IQCE: variants seen among roughly 807,000 people sequenced by gnomAD.
The protein encoded by IQCE is IQ motif containing E.
Under a neutral mutation model 96.0 loss-of-function variants are expected in IQCE, and 115 were observed. The ratio of observed to expected loss-of-function variants is 1.20; its 90% CI spans 1.03 to 1.40. The LOEUF (loss-of-function observed/expected upper bound fraction) is 1.40. Among genes scored for constraint, IQCE ranks in the 40% most tolerant of loss-of-function variants. The pLI is 0.00. For missense variants in IQCE, 1,041 were observed against 909.1 expected, an observed-to-expected ratio of 1.15 and a Z score of -1.87; for synonymous variants, 412 against 371.2, an observed-to-expected ratio of 1.11 and a Z score of -1.26.
Position 2,571,638 on chromosome 7 carries a change from G to A in IQCE, c.243G>A (p.Leu81=). 3.1e-6 allele frequency: 5 copies of A among 1,599,936 alleles called. No homozygotes were observed. Among genetic ancestry groups the A allele is most frequent in the Non-Finnish European group, 4.2e-6 (5 of 1,179,862 alleles). Residue 81 remains leucine, a synonymous_variant, in exon 4 of 22, where the codon CTG becomes CTA. Coordinates refer to ENST00000402050, the MANE Select transcript of IQCE (RefSeq NM_152558.5). ...RASLTPQKLW[L]GTAKPGSLTQ... is the part of the protein sequence containing the mutation. Reference sequence around the variant, plus strand: ...CCCTGACCCCGCAGAAGCTGTGGCTGGGAACCGCAAAGCCAGGTATGTGGT... The same window carrying A: ...CCCTGACCCCGCAGAAGCTGTGGCTAGGAACCGCAAAGCCAGGTATGTGGT...
intron 8 of IQCE, among the ~76,000 whole-genome samples, chr7:2,579,700 GGTGTGTGT>G (rs68086038): frequency 0.027 from 3,600 of 133,070 alleles, 76 homozygotes; most frequent in Middle Eastern, 0.06. Context: ...TTGTTCTGGT[GGTGTGTGT>G]GTGTGTGTGT....
At chr7:2,594,602 T>C (rs939896259) in intron 15 of IQCE, among the ~76,000 whole-genome samples, 1 of 152,258 alleles carries the variant, frequency 6.6e-6, no homozygotes, top group Non-Finnish European at 1.5e-5. Flanking sequence ...AGTTCTTAGT[T>C]GTTTCAGGAG....
intron 1 of IQCE, among the ~76,000 whole-genome samples, chr7:2,564,564 C>T (rs999463898): frequency 2.6e-5 from 4 of 151,894 alleles, no homozygotes; most frequent in African/African-American, 9.7e-5. Flanking sequence ...TGTCACTGCA[C>T]TCCAGCCTGG....
At chr7:2,595,035 G>T in intron 16 of IQCE, 59 bp downstream of exon 16, 1 of 1,188,928 alleles carries the variant, frequency 8.4e-7, no homozygotes, top group Non-Finnish European at 1.3e-6. Flanking sequence ...GGTCGTGACG[G>T]TTCTGACCGT....
rs764251869 is a variant in IQCE, at chr7:2,610,109, T to C, written c.2035T>C (p.Ser679Pro). ...TGGGGATGACGTCAACTCCGATGAT[T>C]CCGACGATATTGTCATTGCACCGTC... Reference protein sequence around the residue: ...LPGDDVNSDDSDDIVIAPSLP... With the variant: ...LPGDDVNSDDPDDIVIAPSLP... The change falls in exon 22 of 22, where the codon TCC becomes CCC. Residue 679 changes from serine to proline, a missense_variant. Coordinates refer to ENST00000402050, the MANE Select transcript of IQCE (RefSeq NM_152558.5). 1 of 1,613,498 alleles carries C rather than the reference T, an allele frequency of 6.2e-7. No individual in the cohort carries two copies. The highest frequency in any genetic ancestry group is 1.7e-5 in the Admixed American group (1 of 60,020).
chr7:2,590,567 C>G (rs942514258), intron 14 of IQCE, among the ~76,000 whole-genome samples: 2 of 151,956 alleles, frequency 1.3e-5, no homozygotes, highest in Non-Finnish European at 2.9e-5. Context: ...GAGTTTCAGA[C>G]CAGCCTGGGC....
rs950387211 is a variant in IQCE at position 2,601,211 on chromosome 7, A to C, written c.1609-230A>C. Among the ~76,000 whole-genome samples, 20 of 152,262 alleles carry C rather than the reference A, an allele frequency of 1.3e-4. 1 individual carries two copies. The highest frequency in any genetic ancestry group is 1.3e-4 in the Admixed American group (2 of 15,298). On this transcript the variant is annotated intron_variant, in intron 17 of 21. Transcript: ENST00000402050. ...CGTCCCTTCATCTGCAGCTTGGGCCACCTCATGTGACTCCTGGAGAATTCC... is the reference window on the plus strand; with the variant it reads ...CGTCCCTTCATCTGCAGCTTGGGCCCCCTCATGTGACTCCTGGAGAATTCC...
At chr7:2,592,910 A>G in intron 14 of IQCE, 112 bp from the exon 15 acceptor site, 1 of 1,164,888 alleles carries the variant, frequency 8.6e-7, no homozygotes, top group Non-Finnish European at 1.2e-6. Flanking sequence ...CTGCCCCACC[A>G]TCCACTGTCC....
chr7:2,575,141 C>T (rs185242762), intron 6 of IQCE, among the ~76,000 whole-genome samples: 12 of 152,356 alleles, frequency 7.9e-5, no homozygotes, highest in Admixed American at 1.3e-4. Flanking sequence ...AAAGTGATTT[C>T]CTTGAAACCA....
Position 2,598,542 on chromosome 7 carries a change from G to T in IQCE, c.1518G>T (p.Gly506=). ...GGCCGCCGGATTCCAGCGAGGAGGG[G>T]CTCCCGCGGCCCCGCTCCCCCTGCT... ...QDWPPDSSEE[G]LPRPRSPCSD... Residue 506 remains glycine, a synonymous_variant, in exon 17 of 22, where the codon GGG becomes GGT. Transcript: ENST00000402050. 1 of 1,610,716 alleles carries T rather than the reference G, an allele frequency of 6.2e-7. No individual in the cohort carries two copies. Among genetic ancestry groups the T allele is most frequent in the South Asian group, 1.1e-5 (1 of 90,638 alleles).
At chr7:2,568,821 C>G in intron 2 of IQCE, 133 bp from the exon 3 acceptor site, 1 of 772,094 alleles carries the variant, frequency 1.3e-6, no homozygotes. Flanking sequence ...CCTGGACCCT[C>G]CTTACGTCCC....
intron 17 of IQCE, among the ~76,000 whole-genome samples, chr7:2,599,383 A>G (rs962718470): frequency 5.9e-5 from 9 of 152,010 alleles, no homozygotes; most frequent in African/African-American, 2.2e-4. Context: ...TTTGGTAGAG[A>G]CAGGATTTCA....
chr7:2,586,792 G>A (rs954968778), intron 12 of IQCE, among the ~76,000 whole-genome samples: 2 of 152,340 alleles, frequency 1.3e-5, no homozygotes, highest in South Asian at 2.1e-4. Context: ...CCATGAAGAC[G>A]GCAGCAGGCG....
At chr7:2,601,875 C>A in intron 18 of IQCE, 1 of 202,882 alleles carries the variant, frequency 4.9e-6, no homozygotes, top group Non-Finnish European at 9.9e-6. Flanking sequence ...GAAACCAAAC[C>A]AGACCCCAAC....
intron 9 of IQCE, 50 bp from the exon 10 acceptor site, chr7:2,583,587 C>G: frequency 7.1e-7 from 1 of 1,410,330 alleles, no homozygotes; most frequent in Non-Finnish European, 9.9e-7. Context: ...CTTGCTCTGT[C>G]CCCTGGGAAC....
rs531232667 is a variant in IQCE at position 2,559,441 on chromosome 7, C to T, written c.36+224C>T. 9.9e-4 allele frequency: 283 copies of T among 284,436 alleles called. 1 individual carries two copies. Among genetic ancestry groups the T allele is most frequent in the African/African-American group, 6.1e-3 (271 of 44,528 alleles). The allele number at this position is 284,436 out of a possible 1,614,324, so 17.6% of individuals were successfully genotyped here. A position where few individuals can be genotyped will look rare whatever the true frequency, so the allele number is the denominator to read the frequency against. ...CCCGCTTTCGCAGAGGCCGCCGCTT[C>T]CAGGAAGCTCTCCGGGACGCCGCGC... is the stretch of plus-strand genomic sequence containing the variant. On this transcript the variant is annotated intron_variant, in intron 1 of 21. Transcript: ENST00000402050.
intron 1 of IQCE, among the ~76,000 whole-genome samples, chr7:2,565,412 A>C (rs1583386998): frequency 6.6e-6 from 1 of 152,104 alleles, no homozygotes; most frequent in South Asian, 2.1e-4. Flanking sequence ...AGTGGTGGAG[A>C]GGGCAGCCGT....
chr7:2,587,063 G>A (rs1436064014), intron 12 of IQCE, among the ~76,000 whole-genome samples: 6 of 152,244 alleles, frequency 3.9e-5, no homozygotes, highest in African/African-American at 1.4e-4. Context: ...GTGGTGAAAG[G>A]TGTTCAGGGT....
rs555990190 is a variant in IQCE at position 2,578,282 on chromosome 7, C to G, written c.506C>G (p.Thr169Arg). The part of the protein sequence containing the change: ...VQKSDVDLMR[T>R]KLRRLEEENS... ...AAGAGCGACGTGGACCTGATGAGAA[C>G]GAAGCTCCGGCGCCTGGAGGAGGAA... Residue 169 changes from threonine (T) to arginine (R), a missense_variant, in exon 7 of 22, where the codon ACG becomes AGG. Physicochemically the swap from Thr to Arg is moderately conservative, Grantham distance 71. Coordinates refer to ENST00000402050, the MANE Select transcript of IQCE (RefSeq NM_152558.5). 6.2e-7 allele frequency: 1 copy of G among 1,613,864 alleles called. No individual in the cohort carries two copies. The highest frequency in any genetic ancestry group is 8.5e-7 in the Non-Finnish European group (1 of 1,179,926).
Sources: allele counts gnomAD v4.1 joint callset (sites outside exome capture counted in the v4.1 genomes callset), GRCh38; gene constraint gnomAD v4.1.1; transcripts MANE v1.5; gene names NCBI Gene and HGNC (gene_info 2026-07-23, HGNC 2026-07-21).